Variants in CFAP69 observed in about 807,000 individuals in gnomAD.
CFAP69 encodes cilia and flagella associated protein 69, also known as cilia- and flagella-associated protein 69.
In CFAP69, 92 loss-of-function variants were observed where a neutral mutation model predicts 123.0. The ratio of observed to expected loss-of-function variants is 0.75; its 90% CI spans 0.63 to 0.89. The LOEUF (loss-of-function observed/expected upper bound fraction) is 0.89, where lower values mean the gene tolerates loss of function less well. CFAP69 is among the 40% of genes least tolerant of loss of function. The pLI is 0.00. For missense variants in CFAP69, 1,067 were observed against 1,096.9 expected (o/e 0.97, Z 0.39); for synonymous variants, 380 against 364.3 (o/e 1.04, Z -0.49).
chr7:90,266,212 A>G (rs765402598), intron 5 of CFAP69: 3 of 152,100 alleles, frequency 2.0e-5, no homozygotes, highest in Admixed American at 6.5e-5. Context: ...ATAGACACTA[A>G]CCCTTTTATA....
At chr7:90,276,714 T>C (rs1788665856) in intron 9 of CFAP69, among the ~76,000 whole-genome samples, 1 of 152,208 alleles carries the variant, frequency 6.6e-6, no homozygotes, top group Admixed American at 6.5e-5. Context: ...TTTCCTCCCT[T>C]ACTGTGTCAT....
intron 21 of CFAP69, among the ~76,000 whole-genome samples, chr7:90,308,531 A>G (rs1793931700): frequency 6.6e-6 from 1 of 152,146 alleles, no homozygotes; most frequent in Non-Finnish European, 1.5e-5. Flanking sequence ...TAATGTTTCA[A>G]TACTTCCTAT....
At chr7:90,250,007 A>G (rs977906918) in intron 1 of CFAP69, among the ~76,000 whole-genome samples, 4 of 152,168 alleles carry the variant, frequency 2.6e-5, no homozygotes, top group Admixed American at 2.0e-4. Context: ...ACTTCCATGA[A>G]CTGTGTGCTT....
chr7:90,301,526 T>C (rs1470956336), intron 17 of CFAP69: 1 of 152,174 alleles, frequency 6.6e-6, no homozygotes, highest in African/African-American at 2.4e-5. Flanking sequence ...TTCTCCTCCA[T>C]GTGTCCATGA....
chr7:90,319,238 A>T, the CFAP69 span: 47 of 397,182 alleles, frequency 1.2e-4, no homozygotes, highest in African/African-American at 8.4e-4. Flanking sequence ...TTTTAGGGAA[A>T]AAAACTAAAT....
chr7:90,314,293 A>T (rs1278235323), downstream of CFAP69, among the ~76,000 whole-genome samples: 1 of 152,190 alleles, frequency 6.6e-6, no homozygotes, highest in Non-Finnish European at 1.5e-5. Context: ...TCAGTGTATT[A>T]GTTGTGACAT....
intron 1 of CFAP69, among the ~76,000 whole-genome samples, chr7:90,252,341 A>T (rs1396602232): frequency 6.6e-6 from 1 of 152,242 alleles, no homozygotes; most frequent in Admixed American, 6.5e-5. Flanking sequence ...GGTATAGATT[A>T]GTATTTAGTA....
At chr7:90,285,076 T>C (rs1790070556) in intron 13 of CFAP69, among the ~76,000 whole-genome samples, 1 of 152,150 alleles carries the variant, frequency 6.6e-6, no homozygotes, top group South Asian at 2.1e-4. Flanking sequence ...CAGGGAAAGT[T>C]TCTGCCTGCA....
chr7:90,285,118 AAAG>A (rs1790075767), intron 13 of CFAP69, among the ~76,000 whole-genome samples: 1 of 152,148 alleles, frequency 6.6e-6, no homozygotes, highest in Admixed American at 6.5e-5. Context: ...TATGATCTAG[AAAG>A]AAGAAGCAGA....
rs1315621415 is a variant in CFAP69, at chr7:90,277,310, A to G, written c.1131A>G (p.Leu377=). The part of the protein sequence containing the change: ...KKLLFNVIVI[L]CKDLPTVQLL... ...TACTATTCAACGTAATTGTGATCTT[A>G]TGTAAAGATTTACCTACTGTACAGG... The change falls in exon 11 of 23, where the codon TTA becomes TTG. Residue 377 remains leucine (L), a synonymous_variant. Transcript: ENST00000389297. The G allele has an allele frequency of 1.3e-6, 2 of 1,577,374 alleles. No individual in the cohort carries two copies. Among genetic ancestry groups the G allele is most frequent in the Non-Finnish European group, 1.7e-6 (2 of 1,165,580 alleles).
At chr7:90,270,890 A>G (rs893561336) in intron 6 of CFAP69, among the ~76,000 whole-genome samples, 7 of 152,222 alleles carry the variant, frequency 4.6e-5, no homozygotes, top group African/African-American at 1.7e-4. Flanking sequence ...ACATGTCACC[A>G]AGAATCAAAC....
chr7:90,307,745 C>T, intron 20 of CFAP69, 23 bp from the exon 21 acceptor site: 2 of 1,479,176 alleles, frequency 1.4e-6, no homozygotes, highest in Non-Finnish European at 1.8e-6. Flanking sequence ...GAAACTGAAA[C>T]TTAATTATCT....
At chr7:90,254,609 G>A (rs545541504) in intron 1 of CFAP69, among the ~76,000 whole-genome samples, 42 of 152,254 alleles carry the variant, frequency 2.8e-4, no homozygotes, top group African/African-American at 1.0e-3. Flanking sequence ...TGCTATGAGA[G>A]CACGGCATTT....
At chr7:90,291,724 TGTTCAGGGTA>T (rs2117214968) in intron 15 of CFAP69, among the ~76,000 whole-genome samples, 1 of 152,294 alleles carries the variant, frequency 6.6e-6, no homozygotes, top group East Asian at 1.9e-4. Flanking sequence ...GGGTCTCTTG[TGTTCAGGGTA>T]CAGGGGAGCT....
chr7:90,303,541 A>G, intron 17 of CFAP69: 1 of 952,762 alleles, frequency 1.0e-6, no homozygotes. Context: ...TTGTATCTTC[A>G]ATCCATTTTT....
rs374959881 is a variant in CFAP69, at chr7:90,307,047, T to C, written c.2412T>C (p.Ile804=). The C allele has an allele frequency of 1.1e-4, 174 of 1,613,104 alleles. No individual in the cohort carries two copies. The highest frequency in any genetic ancestry group is 1.3e-4 in the Non-Finnish European group (152 of 1,179,784). The stretch of plus-strand genomic sequence containing the variant: ...TTGCTTCTCTGCAAAGTGATATAAT[T>C]GAAAGCCAAGCATGCCAAGACATGC... ...KMVASLQSDI[I]ESQACQDMQN... The change falls in exon 20 of 23, where the codon ATT becomes ATC. Residue 804 remains isoleucine, a synonymous_variant. Coordinates refer to ENST00000389297, the MANE Select transcript of CFAP69 (RefSeq NM_001039706.3).
rs377065385 is a variant in CFAP69, at chr7:90,279,838, G to A, written c.1317G>A (p.Met439Ile). ...CTCCTTTATTAATAGAAGAATACAT[G>A]TCATGCCAGGGAAATGCTCGAGTCC... ...SVAPLLIEEYMSCQGNARVLA... is the reference protein window; with the variant it reads ...SVAPLLIEEYISCQGNARVLA... The change falls in exon 12 of 23, where the codon ATG becomes ATA. Residue 439 changes from methionine to isoleucine, a missense_variant. Coordinates refer to ENST00000389297, the MANE Select transcript of CFAP69 (RefSeq NM_001039706.3). 6.2e-6 allele frequency: 10 copies of A among 1,612,132 alleles called. No homozygotes were observed. Among genetic ancestry groups the A allele is most frequent in the African/African-American group, 4.0e-5 (3 of 74,972 alleles).
At chr7:90,270,481 C>G (rs1453930736) in intron 6 of CFAP69, among the ~76,000 whole-genome samples, 1 of 152,042 alleles carries the variant, frequency 6.6e-6, no homozygotes, top group African/African-American at 2.4e-5. Flanking sequence ...AATGTTATCT[C>G]TAGATTATGA....
the CFAP69 span, among the ~76,000 whole-genome samples, chr7:90,323,113 G>A: frequency 6.6e-5 from 10 of 152,104 alleles, no homozygotes; most frequent in Non-Finnish European, 1.2e-4. Flanking sequence ...AATCACCAAG[G>A]AAGAAAACTG....
Sources: gnomAD v4.1 joint callset for allele counts (sites outside exome capture counted in the v4.1 genomes callset) on GRCh38, gnomAD v4.1.1 for gene constraint, MANE v1.5 for transcripts, NCBI Gene and HGNC (gene_info 2026-07-23, HGNC 2026-07-21) for gene names.